The following TERF1 variants were observed in gnomAD, a reference collection of about 807,000 sequenced individuals.
TERF1 encodes telomeric repeat-binding factor 1.
In TERF1, 20 loss-of-function variants were observed where a neutral mutation model predicts 55.1. The observed-to-expected ratio is 0.36, with a 90% confidence interval of 0.26 to 0.53. The LOEUF is 0.53. Among genes scored for constraint, TERF1 ranks in the 20% least tolerant of loss-of-function variants. The pLI, the probability that TERF1 is intolerant of heterozygous loss-of-function variation, is 0.91. For synonymous variants in TERF1, 168 were observed against 181.2 expected, an observed-to-expected ratio of 0.93 and a Z score of 0.59; for missense variants, 439 against 535.7, an observed-to-expected ratio of 0.82 and a Z score of 1.78.
chr8:73,040,571 G>A (rs923783866), intron 9 of TERF1, among the ~76,000 whole-genome samples: 20 of 152,086 alleles, frequency 1.3e-4, no homozygotes, highest in Non-Finnish European at 2.9e-4. Flanking sequence ...TGAATATGAT[G>A]TACATGTATA....
intron 8 of TERF1, 87 bp from the exon 9 acceptor site, chr8:73,039,029 G>C (rs1482161060): frequency 1.0e-6 from 1 of 998,952 alleles, no homozygotes; most frequent in Non-Finnish European, 1.4e-6. Flanking sequence ...GCTTAGAAAA[G>C]GAATTTCATT....
At chr8:73,037,908 G>A (rs1463397358) in intron 8 of TERF1, among the ~76,000 whole-genome samples, 2 of 102,342 alleles carry the variant, frequency 2.0e-5, no homozygotes, top group African/African-American at 3.4e-5. Flanking sequence ...ATATAAATAT[G>A]ATATAATATA....
At chr8:73,014,093 G>A (rs1808391610) in intron 2 of TERF1, 103 bp downstream of exon 2, 4 of 890,700 alleles carry the variant, frequency 4.5e-6, no homozygotes, top group Non-Finnish European at 7.3e-6. Context: ...GCCTACAAGT[G>A]TCTGGTGCAT....
chr8:73,034,538 A>AT (rs1157873797), intron 8 of TERF1, among the ~76,000 whole-genome samples: 1 of 152,200 alleles, frequency 6.6e-6, no homozygotes, highest in East Asian at 1.9e-4. Flanking sequence ...GATTACAGGC[A>AT]TGAGCCACTG....
chr8:73,014,585 A>G (rs1373405155), intron 2 of TERF1, among the ~76,000 whole-genome samples: 1 of 152,224 alleles, frequency 6.6e-6, no homozygotes, highest in Non-Finnish European at 1.5e-5. Flanking sequence ...TTTATCAGTA[A>G]TGGCTGGTAT....
chr8:73,009,787 G>C, intron 1 of TERF1: 1 of 152,902 alleles, frequency 6.5e-6, no homozygotes, highest in Non-Finnish European at 1.5e-5. Flanking sequence ...TGCCACTACA[G>C]TCCTGCCTGG....
At chr8:73,037,911 A>T (rs1809667512) in intron 8 of TERF1, among the ~76,000 whole-genome samples, 1 of 110,758 alleles carries the variant, frequency 9.0e-6, no homozygotes, top group Admixed American at 1.2e-4. Flanking sequence ...TAAATATGAT[A>T]TAATATATAA....
intron 6 of TERF1, among the ~76,000 whole-genome samples, chr8:73,028,933 C>T (rs1809154696): frequency 6.6e-6 from 1 of 152,144 alleles, no homozygotes. Flanking sequence ...AGCTTGGTAT[C>T]CTTGTTGCCT....
chr8:73,040,521 C>T (rs537499550), intron 9 of TERF1, among the ~76,000 whole-genome samples: 2 of 152,282 alleles, frequency 1.3e-5, no homozygotes, highest in African/African-American at 4.8e-5. Context: ...TATGTGACCA[C>T]AGTCATGCAT....
At chr8:73,041,948 T>A (rs1398956409) in intron 9 of TERF1, among the ~76,000 whole-genome samples, 1 of 152,170 alleles carries the variant, frequency 6.6e-6, no homozygotes, top group Non-Finnish European at 1.5e-5. Context: ...GAGCTTCTGC[T>A]CCTGGCCTTT....
intron 6 of TERF1, among the ~76,000 whole-genome samples, chr8:73,029,591 G>C (rs1280886936): frequency 6.8e-6 from 1 of 146,864 alleles, no homozygotes; most frequent in African/African-American, 2.5e-5. Context: ...GGTGACCCTC[G>C]GCGAGACCCT....
rs1810107526 is a variant in TERF1 at position 73,047,927 on chromosome 8, C to T, written c.*1790C>T. ...AAGTTGCCATTAATTGTAAGATGTC[C>T]TGTTATTTCACACACACAACTAGAA... is the stretch of plus-strand genomic sequence containing the variant. On this transcript the variant is annotated 3_prime_UTR_variant, in exon 10 of 10. Coordinates refer to ENST00000276603, the MANE Select transcript of TERF1 (RefSeq NM_017489.3). The T allele has an allele frequency of 6.6e-6, 1 of 152,132 alleles. No homozygotes were observed. The highest frequency in any genetic ancestry group is 2.4e-5 in the African/African-American group (1 of 41,422). The allele number at this position is 152,132 out of a possible 1,614,324, so 9.4% of individuals were successfully genotyped here.
Position 73,047,669 on chromosome 8 carries a change from A to T in TERF1, c.*1532A>T, listed in dbSNP as rs1810099885. Reference sequence around the variant, plus strand: ...TTTTGTAATCTCTATTGTATTTCCTATTAAGGTTTCATATATTACTTTCCC... The same window carrying T: ...TTTTGTAATCTCTATTGTATTTCCTTTTAAGGTTTCATATATTACTTTCCC... On this transcript the variant is annotated 3_prime_UTR_variant, in exon 10 of 10. Coordinates refer to ENST00000276603, the MANE Select transcript of TERF1 (RefSeq NM_017489.3). 1 of 152,218 alleles carries T rather than the reference A, an allele frequency of 6.6e-6. No homozygotes were observed. Among genetic ancestry groups the T allele is most frequent in the Admixed American group, 6.5e-5 (1 of 15,284 alleles). The allele number at this position is 152,218 out of a possible 1,614,324, so 9.4% of individuals were successfully genotyped here.
In TERF1 at chr8:73,047,853, CTTG is replaced by C. The variant is rs1810105443; in HGVS notation, c.*1719_*1721del. ...GGCTGGCATCATGAGCCAAAATAGA[CTTG>C]TTAAGTCAACCTCATTCCAAACACC... On this transcript the variant is annotated 3_prime_UTR_variant, in exon 10 of 10. Coordinates refer to ENST00000276603, the MANE Select transcript of TERF1 (RefSeq NM_017489.3). The C allele has an allele frequency of 6.6e-6, 1 of 152,156 alleles. No homozygotes were observed. The highest frequency in any genetic ancestry group is 2.1e-4 in the South Asian group (1 of 4,812). The allele number at this position is 152,156 out of a possible 1,614,324, so 9.4% of individuals were successfully genotyped here.
chr8:73,017,877 A>G (rs988100441), intron 2 of TERF1, among the ~76,000 whole-genome samples: 9 of 151,872 alleles, frequency 5.9e-5, no homozygotes, highest in East Asian at 3.9e-4. Context: ...TAATTTTTCT[A>G]TTATTAGTAG....
At chr8:73,014,359 G>A (rs775144366) in intron 2 of TERF1, among the ~76,000 whole-genome samples, 5 of 152,144 alleles carry the variant, frequency 3.3e-5, no homozygotes, top group Non-Finnish European at 7.4e-5. Context: ...TGATTCTGAT[G>A]CTACTCTTGG....
chr8:73,038,416 C>A (rs545986492), intron 8 of TERF1, among the ~76,000 whole-genome samples: 2 of 151,954 alleles, frequency 1.3e-5, no homozygotes, highest in South Asian at 4.2e-4. Flanking sequence ...TGTGATCATA[C>A]CACTGCACTT....
intron 5 of TERF1, 143 bp from the exon 6 acceptor site, chr8:73,026,794 TAAC>T (rs1235964945): frequency 1.6e-6 from 1 of 635,728 alleles, no homozygotes; most frequent in Non-Finnish European, 2.7e-6. Flanking sequence ...TTGGTGAAAA[TAAC>T]AACACAGTGC....
chr8:73,015,299 C>T (rs1808452515), intron 2 of TERF1, among the ~76,000 whole-genome samples: 1 of 145,030 alleles, frequency 6.9e-6, no homozygotes, highest in Non-Finnish European at 1.5e-5. Flanking sequence ...TTTGGCTATA[C>T]ATAACCCTTT....
Sources: allele counts gnomAD v4.1 joint callset (sites outside exome capture counted in the v4.1 genomes callset), GRCh38; gene constraint gnomAD v4.1.1; transcripts MANE v1.5; gene names NCBI Gene and HGNC (gene_info 2026-07-23, HGNC 2026-07-21).